RASGRP1: variants seen among roughly 807,000 people sequenced by gnomAD.
RASGRP1 encodes RAS guanyl releasing protein 1, also known as RAS guanyl-releasing protein 1.
RASGRP1 carries 37 observed loss-of-function variants against 95.1 expected under a neutral mutation model. The ratio of observed to expected loss-of-function variants is 0.39; its 90% CI spans 0.30 to 0.51. RASGRP1 has a LOEUF of 0.51. Among genes scored for constraint, RASGRP1 ranks in the 20% least tolerant of loss-of-function variants. RASGRP1 has a pLI of 0.80. For missense variants in RASGRP1, 711 were observed against 965.4 expected (o/e 0.74, Z 3.49); for synonymous variants, 325 against 353.4 (o/e 0.92, Z 0.90).
At chr15:38,500,277 GTCCCTTCTGACCTTAAA>G (rs1204819593) in intron 13 of RASGRP1, 138 bp from the exon 14 acceptor site, 1 of 801,638 alleles carries the variant, frequency 1.2e-6, no homozygotes, top group Non-Finnish European at 2.1e-6. Context: ...CTCATGTCTT[GTCCCTTCTGACCTTAAA>G]TCCATGAGAA....
In RASGRP1 at chr15:38,516,185, T is replaced by C; in HGVS notation, c.675+12A>G. On this transcript the variant is annotated intron_variant, in intron 6 of 16. Coordinates refer to ENST00000310803, the MANE Select transcript of RASGRP1 (RefSeq NM_005739.4). ...CCAGGGAAGATTTTTCTCCTGCCCC[T>C]TGCATACATACCGATATCCTCCGGA... The C allele has an allele frequency of 6.4e-7, 1 of 1,571,766 alleles. No homozygotes were observed. Among genetic ancestry groups the C allele is most frequent in the Non-Finnish European group, 8.8e-7 (1 of 1,141,712 alleles).
intron 16 of RASGRP1, among the ~76,000 whole-genome samples, chr15:38,491,816 A>G (rs1566905964): frequency 6.6e-6 from 1 of 152,180 alleles, no homozygotes; most frequent in Non-Finnish European, 1.5e-5. Context: ...GCGGTGGTCA[A>G]AATGGTGAGA....
Position 38,508,783 on chromosome 15 carries a change from A to G in RASGRP1, c.967-782T>C, listed in dbSNP as rs555354395. The stretch of plus-strand genomic sequence containing the variant: ...TTTCTTTTCAATCACTTGTCATTCA[A>G]GTCAGCAAGCAGTTCACAGAATCCA... On this transcript the variant is annotated intron_variant, in intron 8 of 16. Coordinates refer to ENST00000310803, the MANE Select transcript of RASGRP1 (RefSeq NM_005739.4). 2.0e-5 allele frequency among the ~76,000 whole-genome samples: 3 copies of G among 152,336 alleles called. No homozygotes were observed. In the South Asian group the frequency reaches 6.2e-4, roughly 32 times the overall value.
chr15:38,491,394 G>T (rs574335065), intron 16 of RASGRP1, among the ~76,000 whole-genome samples: 1 of 152,056 alleles, frequency 6.6e-6, no homozygotes, highest in Admixed American at 6.6e-5. Flanking sequence ...ATGTGCCTGC[G>T]CTGTGTGACA....
At position 38,518,382 on chromosome 15, in the gene RASGRP1, G is replaced by A. The variant is rs1429772639; in HGVS notation, c.431C>T (p.Ala144Val). ...TEFWVMFKMD[A>V]SLTDTMEEFQ... is the part of the protein sequence containing the mutation. ...CTCCTCCATAGTGTCTGTCAAGCTG[G>A]CGTCCATTTTAAACATGACCCAGAA... Residue 144 changes from alanine (A) to valine (V), a missense_variant, in exon 5 of 17, where the codon GCC becomes GTC. Coordinates refer to ENST00000310803, the MANE Select transcript of RASGRP1 (RefSeq NM_005739.4). 1.9e-6 allele frequency: 3 copies of A among 1,607,696 alleles called. No homozygotes were observed. Among genetic ancestry groups the A allele is most frequent in the East Asian group, 2.2e-5 (1 of 44,638 alleles).
At chr15:38,503,458 C>G in intron 10 of RASGRP1, 82 bp from the exon 11 acceptor site, 1 of 1,060,286 alleles carries the variant, frequency 9.4e-7, no homozygotes, top group Non-Finnish European at 1.4e-6. Flanking sequence ...CACTACCTGA[C>G]GGTTACATTT....
intron 3 of RASGRP1, 81 bp from the exon 4 acceptor site, chr15:38,519,452 C>G (rs1468253235): frequency 1.1e-5 from 11 of 1,006,370 alleles, no homozygotes; most frequent in Non-Finnish European, 1.7e-5. Context: ...TTTGCTGAAA[C>G]TACCTCCCAA....
Position 38,516,183 on chromosome 15 carries a change from C to G in RASGRP1, c.675+14G>C. Reference sequence around the variant, plus strand: ...TCCCAGGGAAGATTTTTCTCCTGCCCCTTGCATACATACCGATATCCTCCG... The same window carrying G: ...TCCCAGGGAAGATTTTTCTCCTGCCGCTTGCATACATACCGATATCCTCCG... On this transcript the variant is annotated intron_variant, in intron 6 of 16. Transcript: ENST00000310803. 6.4e-7 allele frequency: 1 copy of G among 1,568,618 alleles called. No individual in the cohort carries two copies. The highest frequency in any genetic ancestry group is 1.4e-5 in the African/African-American group (1 of 73,840).
At chr15:38,536,308 C>G (rs1892643079) in intron 2 of RASGRP1, among the ~76,000 whole-genome samples, 1 of 152,130 alleles carries the variant, frequency 6.6e-6, no homozygotes, top group African/African-American at 2.4e-5. Flanking sequence ...CAGAAGGACA[C>G]AGAGAGCTGC....
intron 15 of RASGRP1, among the ~76,000 whole-genome samples, chr15:38,494,976 C>G (rs992110988): frequency 9.9e-5 from 15 of 152,194 alleles, no homozygotes; most frequent in African/African-American, 3.4e-4. Context: ...GCTACATCCA[C>G]CCTGAGAAAG....
chr15:38,533,394 G>A (rs1379216151), intron 2 of RASGRP1, among the ~76,000 whole-genome samples: 3 of 152,174 alleles, frequency 2.0e-5, no homozygotes, highest in Non-Finnish European at 2.9e-5. Flanking sequence ...AAATAACTAT[G>A]TGATAAATAT....
chr15:38,520,124 A>T (rs1048159015), intron 3 of RASGRP1, among the ~76,000 whole-genome samples: 3 of 152,220 alleles, frequency 2.0e-5, no homozygotes, highest in African/African-American at 7.2e-5. Context: ...AGTCAAAGAG[A>T]TGAGAACTCC....
chr15:38,504,203 A>G (rs1216866587), intron 10 of RASGRP1: 1 of 152,210 alleles, frequency 6.6e-6, no homozygotes, highest in African/African-American at 2.4e-5. Flanking sequence ...GAGGCCTAAC[A>G]TTACTGTATA....
chr15:38,533,110 G>C (rs1409019367), intron 2 of RASGRP1, among the ~76,000 whole-genome samples: 5 of 152,198 alleles, frequency 3.3e-5, no homozygotes, highest in Admixed American at 6.5e-5. Context: ...GAAATCTCTT[G>C]ATGTGTGAAG....
chr15:38,490,598 T>G lies in RASGRP1; in HGVS notation c.2350A>C (p.Ser784Arg). Residue 784 changes from serine to arginine, a missense_variant, in exon 17 of 17, where the codon AGC becomes CGC. Coordinates refer to ENST00000310803, the MANE Select transcript of RASGRP1 (RefSeq NM_005739.4). ...TCCATTTGAGCTAAGACATGATTGC[T>G]TTTTTCAAGCTGGAGGGATTCTATT... ...KKIESLQLEK[S>R]NHVLAQMEQG... 1 of 1,613,458 alleles carries G rather than the reference T, an allele frequency of 6.2e-7. No individual in the cohort carries two copies. Among genetic ancestry groups the G allele is most frequent in the Non-Finnish European group, 8.5e-7 (1 of 1,179,538 alleles).
In RASGRP1 at chr15:38,489,380, T is replaced by C. The variant is rs1443021948; in HGVS notation, c.*1174A>G. 3 of 152,072 alleles carry C rather than the reference T, an allele frequency of 2.0e-5. No individual in the cohort carries two copies. Among genetic ancestry groups the C allele is most frequent in the Non-Finnish European group, 4.4e-5 (3 of 67,906 alleles). The allele number at this position is 152,072 out of a possible 1,614,324, so 9.4% of individuals were successfully genotyped here. On this transcript the variant is annotated 3_prime_UTR_variant, in exon 17 of 17. Transcript: ENST00000310803. Reference sequence around the variant, plus strand: ...ACTCACAGGATTGTTACTTGTGATTTTGCCAAACAATACAATTTTACCTTG... The same window carrying C: ...ACTCACAGGATTGTTACTTGTGATTCTGCCAAACAATACAATTTTACCTTG...
intron 16 of RASGRP1, among the ~76,000 whole-genome samples, chr15:38,493,931 A>G (rs553820732): frequency 2.0e-5 from 3 of 152,316 alleles, no homozygotes; most frequent in African/African-American, 7.2e-5. Flanking sequence ...ACCCTGATGA[A>G]CATGTTAAAG....
chr15:38,557,948 T>G (rs1893635950), intron 2 of RASGRP1, among the ~76,000 whole-genome samples: 1 of 152,116 alleles, frequency 6.6e-6, no homozygotes, highest in South Asian at 2.1e-4. Flanking sequence ...TCAGAATCAG[T>G]CATGTATTTT....
chr15:38,557,601 A>ATGTG (rs5812045), intron 2 of RASGRP1, among the ~76,000 whole-genome samples: 1,813 of 145,304 alleles, frequency 0.012, 18 homozygotes, highest in African/African-American at 0.025. Flanking sequence ...TTGTATATAT[A>ATGTG]TGTGTGTGTG....
Sources: allele counts gnomAD v4.1 joint callset (sites outside exome capture counted in the v4.1 genomes callset), GRCh38; gene constraint gnomAD v4.1.1; transcripts MANE v1.5; gene names NCBI Gene and HGNC (gene_info 2026-07-23, HGNC 2026-07-21).